The following GP6 variants were observed in gnomAD, a reference collection of about 807,000 sequenced individuals.
GP6 encodes glycoprotein VI platelet, also known as platelet glycoprotein VI.
GP6 carries 45 observed loss-of-function variants against 37.3 expected under a neutral mutation model. The observed-to-expected ratio is 1.21, with a 90% confidence interval of 0.95 to 1.55. The LOEUF (loss-of-function observed/expected upper bound fraction) is 1.55. Ranked by LOEUF, GP6 falls within the 40% of genes most tolerant of loss-of-function variation. GP6 has a pLI of 0.00. For synonymous variants in GP6, 340 were observed against 316.4 expected (o/e 1.07, Z -0.79); for missense variants, 813 against 760.2 (o/e 1.07, Z -0.82).
At chr19:55,018,472 C>T (rs974186230) in intron 6 of GP6, among the ~76,000 whole-genome samples, 180 bp downstream of exon 6, 1 of 152,366 alleles carries the variant, frequency 6.6e-6, no homozygotes. Flanking sequence ...CCAAAACGCT[C>T]CTCCTTCTGA....
intron 6 of GP6, among the ~76,000 whole-genome samples, chr19:55,017,208 G>A (rs1485370063): frequency 3.3e-5 from 5 of 150,704 alleles, no homozygotes; most frequent in African/African-American, 7.3e-5. Flanking sequence ...CCTCCAACTC[G>A]TGAGTTCAAG....
chr19:55,030,356 T>G (rs1671200), intron 3 of GP6, among the ~76,000 whole-genome samples: 40,893 of 118,234 alleles, frequency 0.35, 6,234 homozygotes, highest in East Asian at 0.45. Flanking sequence ...TCTCTTTTTT[T>G]TTTTTTCCCA....
rs1300883418 is a variant in GP6, at chr19:55,014,949, TC to T, written c.995del (p.Gly332AspfsTer10). On this transcript the variant is annotated frameshift_variant, in exon 8 of 8. Coordinates refer to ENST00000310373, the MANE Select transcript of GP6 (RefSeq NM_001083899.2). LOFTEE classifies it low-confidence loss of function (END_TRUNC). ...TGAACATAACCCGCGGCTGTGAACA[TC>T]CTGTCGGCCTCCATCCTGACCCCCG... The T allele has an allele frequency of 6.2e-7, 1 of 1,612,382 alleles. No homozygotes were observed. Among genetic ancestry groups the T allele is most frequent in the East Asian group, 2.2e-5 (1 of 44,552 alleles).
chr19:55,025,432 G>A (rs956936373), intron 4 of GP6, among the ~76,000 whole-genome samples, 161 bp from the exon 5 acceptor site: 1 of 152,212 alleles, frequency 6.6e-6, no homozygotes, highest in Non-Finnish European at 1.5e-5. Context: ...TGAGCTGGGT[G>A]CAGTGCCTCA....
At position 55,014,210 on chromosome 19, in the gene GP6, T is replaced by C. The variant is rs1456806329; in HGVS notation, c.1735A>G (p.Asn579Asp). 1.3e-6 allele frequency: 1 copy of C among 762,610 alleles called. No homozygotes were observed. The highest frequency in any genetic ancestry group is 2.5e-5 in the East Asian group (1 of 39,748). The allele number at this position is 762,610 out of a possible 1,614,324, so 47.2% of individuals were successfully genotyped here. A position where few individuals can be genotyped will look rare whatever the true frequency, so the allele number is the denominator to read the frequency against. Residue 579 changes from asparagine (N) to aspartate (D), a missense_variant, in exon 8 of 8, where the codon AAT (asparagine) becomes GAT (aspartate). Physicochemically the swap from Asn to Asp is conservative, Grantham distance 23. Coordinates refer to ENST00000310373, the MANE Select transcript of GP6 (RefSeq NM_001083899.2). ...CCTCTGCCTCCCAGGCTCAAGCCAT[T>C]CTCCCACCTCAGCCCCCTGAGTTGC...
intron 5 of GP6, among the ~76,000 whole-genome samples, chr19:55,021,903 T>C (rs950376269): frequency 6.6e-6 from 1 of 152,150 alleles, no homozygotes; most frequent in African/African-American, 2.4e-5. Context: ...CTCTAATGAT[T>C]GGTGATGTTG....
At chr19:55,029,162 A>C (rs544021299) in intron 3 of GP6, among the ~76,000 whole-genome samples, 1 of 151,408 alleles carries the variant, frequency 6.6e-6, no homozygotes, top group South Asian at 2.1e-4. Context: ...TGATAACTGT[A>C]ACATTCACTC....
intron 5 of GP6, among the ~76,000 whole-genome samples, chr19:55,020,321 C>CT (rs1379985410): frequency 6.6e-5 from 10 of 152,000 alleles, no homozygotes; most frequent in African/African-American, 2.4e-4. Context: ...AACCCATCAC[C>CT]TAGGTATTAA....
At chr19:55,024,355 C>T (rs1437671464) in intron 5 of GP6, among the ~76,000 whole-genome samples, 4 of 121,840 alleles carry the variant, frequency 3.3e-5, no homozygotes, top group Non-Finnish European at 7.9e-5. Flanking sequence ...CATGCACGCA[C>T]ACACACATAT....
chr19:55,016,381 T>C (rs921593338), intron 6 of GP6, among the ~76,000 whole-genome samples: 54 of 149,502 alleles, frequency 3.6e-4, no homozygotes, highest in African/African-American at 1.1e-3. Context: ...CCAGCTTTTT[T>C]TTTTTTTTTT....
At chr19:55,018,817 G>T (rs2073969292) in intron 5 of GP6, 106 bp from the exon 6 acceptor site, 1 of 797,400 alleles carries the variant, frequency 1.3e-6, no homozygotes, top group South Asian at 1.4e-5. Context: ...CCCTTTCTCT[G>T]ACACACTGCA....
At chr19:55,029,269 T>C in intron 3 of GP6, among the ~76,000 whole-genome samples, 1 of 144,416 alleles carries the variant, frequency 6.9e-6, no homozygotes. Flanking sequence ...TTTTGTTTTG[T>C]TTTGAGACGG....
At position 55,014,789 on chromosome 19, in the gene GP6, A is replaced by C. The variant is rs1396323254; in HGVS notation, c.1156T>G (p.Ser386Ala). ...GGCTCCCTGATGGAACACCAGGAGG[A>C]GGCAGCATGGCCTCGTTTCCACAGC... The change falls in exon 8 of 8, where the codon TCC becomes GCC. Residue 386 changes from serine (S) to alanine (A), a missense_variant. Transcript: ENST00000310373. 6.2e-7 allele frequency: 1 copy of C among 1,613,708 alleles called. No individual in the cohort carries two copies. The highest frequency in any genetic ancestry group is 2.2e-5 in the East Asian group (1 of 44,882).
intron 7 of GP6, 140 bp from the exon 8 acceptor site, chr19:55,015,305 C>G (rs1046760996): frequency 7.3e-7 from 1 of 1,377,908 alleles, no homozygotes; most frequent in Non-Finnish European, 1.0e-6. Context: ...GGGTCCCTCC[C>G]TTCCCGAGTA....
chr19:55,014,600 A>AT lies in GP6; in HGVS notation c.1344dup (p.Trp449MetfsTer15). On this transcript the variant is annotated frameshift_variant, in exon 8 of 8. Transcript: ENST00000310373. LOFTEE classifies it low-confidence loss of function (END_TRUNC). ...AACCTTAGAGATCCGTCTGGAGCCC[A>AT]TATTAGAGAGGTTGAAGAAAGAGGC... 1 of 1,614,036 alleles carries AT rather than the reference A, an allele frequency of 6.2e-7. No homozygotes were observed. The highest frequency in any genetic ancestry group is 8.5e-7 in the Non-Finnish European group (1 of 1,179,936).
chr19:55,035,876 C>T (rs2074811042), intron 1 of GP6, among the ~76,000 whole-genome samples: 1 of 151,028 alleles, frequency 6.6e-6, no homozygotes, highest in Non-Finnish European at 1.5e-5. Context: ...AGATCAAGAC[C>T]ATCCTGCCCA....
chr19:55,034,927 C>T (rs186373740), intron 1 of GP6, among the ~76,000 whole-genome samples: 1 of 152,260 alleles, frequency 6.6e-6, no homozygotes, highest in East Asian at 1.9e-4. Context: ...ACCCCAGGCT[C>T]CCTCTGCACC....
At chr19:55,021,269 C>T (rs1029120442) in intron 5 of GP6, among the ~76,000 whole-genome samples, 3 of 146,984 alleles carry the variant, frequency 2.0e-5, no homozygotes, top group African/African-American at 7.5e-5. Context: ...GAGGCTGAGA[C>T]AGGATAATTG....
chr19:55,029,341 TA>T (rs2074446247), intron 3 of GP6, among the ~76,000 whole-genome samples: 1 of 4,102 alleles, frequency 2.4e-4, no homozygotes, highest in African/African-American at 8.8e-4. Flanking sequence ...TATATATATA[TA>T]TATATATATA....
Sources: gnomAD v4.1 joint callset for allele counts (sites outside exome capture counted in the v4.1 genomes callset) on GRCh38, gnomAD v4.1.1 for gene constraint, MANE v1.5 for transcripts, NCBI Gene and HGNC (gene_info 2026-07-23, HGNC 2026-07-21) for gene names.